The following TPD52L1 variants were observed in gnomAD, a reference collection of about 807,000 sequenced individuals.
The protein encoded by TPD52L1 is tumor protein D53.
TPD52L1 carries 18 observed loss-of-function variants against 28.7 expected under a neutral mutation model. The ratio of observed to expected loss-of-function variants is 0.63; its 90% CI spans 0.43 to 0.93. TPD52L1 has a LOEUF of 0.93. Among genes scored for constraint, TPD52L1 ranks in the 40% least tolerant of loss-of-function variants. The pLI, the probability that TPD52L1 is intolerant of heterozygous loss-of-function variation, is 0.00. For missense variants in TPD52L1, 203 were observed against 254.8 expected (o/e 0.80, Z 1.39); for synonymous variants, 75 against 88.8 (o/e 0.84, Z 0.88).
intron 1 of TPD52L1, chr6:125,154,548 C>CT (rs1789986736): frequency 1.0e-6 from 1 of 984,848 alleles, no homozygotes. Flanking sequence ...TCCCGGTTTC[C>CT]GCGATCGGGG....
At chr6:125,212,538 A>G (rs1794593130) in intron 1 of TPD52L1, among the ~76,000 whole-genome samples, 2 of 152,352 alleles carry the variant, frequency 1.3e-5, no homozygotes, top group African/African-American at 2.4e-5. Context: ...GTGGATGCCA[A>G]TGAGTGATTT....
intron 1 of TPD52L1, among the ~76,000 whole-genome samples, chr6:125,188,735 G>A (rs1792828090): frequency 6.6e-6 from 1 of 152,170 alleles, no homozygotes; most frequent in South Asian, 2.1e-4. Flanking sequence ...GTAGTGACCT[G>A]CAGTTTGAAA....
chr6:125,216,174 G>A (rs766006714), intron 1 of TPD52L1, among the ~76,000 whole-genome samples: 1 of 152,110 alleles, frequency 6.6e-6, no homozygotes, highest in Non-Finnish European at 1.5e-5. Flanking sequence ...TTTACCAAGA[G>A]GCTGTTCCCT....
At chr6:125,218,530 C>A (rs1365855200) in intron 1 of TPD52L1, among the ~76,000 whole-genome samples, 1 of 152,190 alleles carries the variant, frequency 6.6e-6, no homozygotes, top group East Asian at 1.9e-4. Flanking sequence ...TGAGAGATAT[C>A]TTCTTCCAAT....
chr6:125,249,706 A>AAAG (rs1175369686), intron 4 of TPD52L1, among the ~76,000 whole-genome samples: 3 of 151,044 alleles, frequency 2.0e-5, no homozygotes, highest in African/African-American at 7.3e-5. Flanking sequence ...AAAAAAAAAA[A>AAAG]AAAAGAAGGA....
intron 1 of TPD52L1, among the ~76,000 whole-genome samples, chr6:125,201,801 T>C (rs1582916638): frequency 6.6e-6 from 1 of 152,354 alleles, no homozygotes; most frequent in African/African-American, 2.4e-5. Context: ...TTCTTGCATA[T>C]TTTATTCTTG....
chr6:125,197,992 T>C (rs3799757), intron 1 of TPD52L1, among the ~76,000 whole-genome samples: 35,695 of 152,074 alleles, frequency 0.23, 5,197 homozygotes, highest in Admixed American at 0.38. Flanking sequence ...TCCAGTTAAA[T>C]AAGAAGCAGC....
intron 1 of TPD52L1, among the ~76,000 whole-genome samples, chr6:125,209,629 G>A (rs1794371951): frequency 6.6e-6 from 1 of 152,182 alleles, no homozygotes; most frequent in Non-Finnish European, 1.5e-5. Context: ...CTGTCTCAGA[G>A]AGTCCAAATG....
At chr6:125,216,521 A>ATGTG (rs373408548) in intron 1 of TPD52L1, among the ~76,000 whole-genome samples, 9 of 66,212 alleles carry the variant, frequency 1.4e-4, no homozygotes, top group African/African-American at 4.4e-4. Context: ...TAAATTCAGT[A>ATGTG]TGTGTGTGTA....
At chr6:125,252,579 G>A (rs901060122) in intron 4 of TPD52L1, 6 of 152,314 alleles carry the variant, frequency 3.9e-5, no homozygotes, top group African/African-American at 1.4e-4. Flanking sequence ...TTAATCCCAA[G>A]CCCCCGAATT....
At chr6:125,178,796 T>C (rs1377999204) in intron 1 of TPD52L1, among the ~76,000 whole-genome samples, 1 of 152,178 alleles carries the variant, frequency 6.6e-6, no homozygotes, top group African/African-American at 2.4e-5. Flanking sequence ...ACAAAGACCT[T>C]ATTAATTAAT....
At chr6:125,218,252 T>C (rs1795009983) in intron 1 of TPD52L1, among the ~76,000 whole-genome samples, 1 of 152,212 alleles carries the variant, frequency 6.6e-6, no homozygotes, top group Admixed American at 6.5e-5. Flanking sequence ...GTCACCAACA[T>C]TTAGTAATGT....
At position 125,260,998 on chromosome 6, in the gene TPD52L1, GAAAGAAAGAAAGAAAGAAAGA is replaced by G. The variant is rs1562411307; in HGVS notation, c.487-1828_487-1808del. 340 of 43,044 alleles carry G rather than the reference GAAAGAAAGAAAGAAAGAAAGA, an allele frequency of 7.9e-3. 31 individuals are homozygous for G. Among genetic ancestry groups the G allele is most frequent in the African/African-American group, 0.043 (316 of 7,346 alleles). 2.7% of individuals were successfully genotyped at this position (43,044 alleles called of 1,614,324 possible). ...AAAGAAAAGAAAAGAAAGAAAGAAA[GAAAGAAAGAAAGAAAGAAAGA>G]AAAGAAAAGAAAGAAAGAAAGAAAG... On this transcript the variant is annotated intron_variant, in intron 6 of 6. Coordinates refer to ENST00000534000, the MANE Select transcript of TPD52L1 (RefSeq NM_003287.4).
chr6:125,209,547 T>C lies in TPD52L1; in HGVS notation c.20-10531T>C, dbSNP rs142881613. 1.6e-3 allele frequency among the ~76,000 whole-genome samples: 243 copies of C among 152,316 alleles called. 1 individual carries two copies. The highest frequency in any genetic ancestry group is 5.8e-3 in the African/African-American group (239 of 41,554). On this transcript the variant is annotated intron_variant, in intron 1 of 6. Transcript: ENST00000534000. Reference sequence around the variant, plus strand: ...CCAGGTAAACTATTGAAAGGCCACATCTTAATTACCAGACCTATCTTCAGA... The same window carrying C: ...CCAGGTAAACTATTGAAAGGCCACACCTTAATTACCAGACCTATCTTCAGA...
Position 125,258,343 on chromosome 6 carries a change from G to A in TPD52L1, c.486+1185G>A, listed in dbSNP as rs1797726947. Among the ~76,000 whole-genome samples the A allele has an allele frequency of 2.0e-5, 3 of 152,144 alleles. No individual in the cohort carries two copies. The South Asian group carries it at 6.2e-4, about 31-fold the overall frequency. On this transcript the variant is annotated intron_variant, in intron 6 of 6. Coordinates refer to ENST00000534000, the MANE Select transcript of TPD52L1 (RefSeq NM_003287.4). Reference sequence around the variant, plus strand: ...AACATCATCGCTTATTGAGCGTACAGGAACCAATGGGAGCCGTTAAACAGC... The same window carrying A: ...AACATCATCGCTTATTGAGCGTACAAGAACCAATGGGAGCCGTTAAACAGC...
rs2115060575 is a variant in TPD52L1, at chr6:125,257,138, A to T, written c.466A>T (p.Thr156Ser). ...TFKSFEERVE[T>S]TVTSLKTKVG... ...CAAATCATTTGAGGAGAGGGTTGAG[A>T]CAACTGTCACAAGCCTCAAGGTACA... Residue 156 changes from threonine to serine, a missense_variant, in exon 6 of 7, where the codon ACA (threonine) becomes TCA (serine). Coordinates refer to ENST00000534000, the MANE Select transcript of TPD52L1 (RefSeq NM_003287.4). 6.2e-7 allele frequency: 1 copy of T among 1,612,208 alleles called. No individual in the cohort carries two copies. The highest frequency in any genetic ancestry group is 8.5e-7 in the Non-Finnish European group (1 of 1,178,690).
intron 1 of TPD52L1, among the ~76,000 whole-genome samples, chr6:125,211,810 C>T (rs1212448909): frequency 2.6e-5 from 4 of 152,282 alleles, no homozygotes; most frequent in Admixed American, 6.5e-5. Flanking sequence ...TTCTACTACA[C>T]ACCTGATTCA....
At chr6:125,173,522 CT>C (rs1260033344) in intron 1 of TPD52L1, among the ~76,000 whole-genome samples, 2 of 152,204 alleles carry the variant, frequency 1.3e-5, no homozygotes, top group African/African-American at 2.4e-5. Context: ...CTGCCACTCC[CT>C]TCTCAGGTCC....
At chr6:125,167,734 TAGG>T (rs1354775061) in intron 1 of TPD52L1, among the ~76,000 whole-genome samples, 2 of 152,166 alleles carry the variant, frequency 1.3e-5, no homozygotes, top group East Asian at 1.9e-4. Context: ...CTCCTACCAG[TAGG>T]AGAAGACACC....
Sources: gnomAD v4.1 joint callset for allele counts (sites outside exome capture counted in the v4.1 genomes callset) on GRCh38, gnomAD v4.1.1 for gene constraint, MANE v1.5 for transcripts, NCBI Gene and HGNC (gene_info 2026-07-23, HGNC 2026-07-21) for gene names.